ADAM28: variants seen among roughly 807,000 people sequenced by gnomAD.
ADAM28 encodes ADAM metallopeptidase domain 28.
In ADAM28, 105 loss-of-function variants were observed where a neutral mutation model predicts 101.2. The observed-to-expected ratio is 1.04, with a 90% CI of 0.89 to 1.22. ADAM28 has a LOEUF of 1.22. Among genes scored for constraint, ADAM28 ranks in the 50% most tolerant of loss-of-function variants. The pLI, the probability that ADAM28 is intolerant of heterozygous loss-of-function variation, is 0.00. For synonymous variants in ADAM28, 322 were observed against 310.6 expected (o/e 1.04, Z -0.39); for missense variants, 1,028 against 945.4 (o/e 1.09, Z -1.15).
chr8:24,295,007 G>T (rs1178077074), intron 1 of ADAM28, among the ~76,000 whole-genome samples: 2 of 152,134 alleles, frequency 1.3e-5, no homozygotes, highest in African/African-American at 4.8e-5. Flanking sequence ...CTGTTCTTGG[G>T]TCTTAGAATG....
intron 2 of ADAM28, among the ~76,000 whole-genome samples, chr8:24,306,053 A>G (rs1406206161): frequency 6.6e-6 from 1 of 152,090 alleles, no homozygotes; most frequent in East Asian, 1.9e-4. Flanking sequence ...AATTTCAGAC[A>G]AACAGTAAAA....
intron 20 of ADAM28, chr8:24,351,629 C>T: frequency 2.1e-6 from 1 of 471,756 alleles, no homozygotes; most frequent in South Asian, 2.2e-5. Context: ...TATTTCTTTG[C>T]AAATTGACAA....
In ADAM28 at chr8:24,355,789, C is replaced by T. The variant is rs925890668; in HGVS notation, c.*1385C>T. 6.6e-6 allele frequency: 1 copy of T among 152,258 alleles called. No homozygotes were observed. Among genetic ancestry groups the T allele is most frequent in the Non-Finnish European group, 1.5e-5 (1 of 68,012 alleles). 9.4% of individuals were successfully genotyped at this position (152,258 alleles called of 1,614,324 possible). On this transcript the variant is annotated 3_prime_UTR_variant, in exon 23 of 23. Transcript: ENST00000265769. Reference sequence around the variant, plus strand: ...GGTACTCCTTATTATATGAGCCATACATTTTCCTTGTTGTTTAAGCCATTT... The same window carrying T: ...GGTACTCCTTATTATATGAGCCATATATTTTCCTTGTTGTTTAAGCCATTT...
intron 9 of ADAM28, among the ~76,000 whole-genome samples, chr8:24,324,778 C>A (rs1788861122): frequency 6.6e-6 from 1 of 151,906 alleles, no homozygotes. Flanking sequence ...CTGTCTATAT[C>A]CCCTTTCATG....
chr8:24,317,719 A>G (rs1252173292), intron 6 of ADAM28, among the ~76,000 whole-genome samples: 1 of 152,048 alleles, frequency 6.6e-6, no homozygotes, highest in African/African-American at 2.4e-5. Context: ...ACAGCAAAGC[A>G]AACAAACAAA....
intron 17 of ADAM28, 68 bp from the exon 18 acceptor site, chr8:24,343,438 T>C: frequency 6.7e-7 from 1 of 1,483,288 alleles, no homozygotes; most frequent in Non-Finnish European, 9.4e-7. Flanking sequence ...AACTTTATTA[T>C]GGATGAGTAG....
At chr8:24,337,239 C>A (rs1162913491) in intron 14 of ADAM28, among the ~76,000 whole-genome samples, 1 of 152,200 alleles carries the variant, frequency 6.6e-6, no homozygotes. Flanking sequence ...TTCGTGGATG[C>A]GCCAGGTTAA....
chr8:24,343,558 A>C lies in ADAM28; in HGVS notation c.1964A>C (p.Asp655Ala), dbSNP rs1585718234. ...CQCEEGWIPP[D>A]CDDSSVVFHF... is the part of the protein sequence containing the mutation. ...TGTGAGGAAGGATGGATCCCTCCCG[A>C]CTGCGATGACTCCTCAGTGGTCTTC... is the stretch of plus-strand genomic sequence containing the variant. Residue 655 changes from aspartate to alanine, a missense_variant, in exon 18 of 23, where the codon GAC becomes GCC. Transcript: ENST00000265769. 6.2e-7 allele frequency: 1 copy of C among 1,613,644 alleles called. No homozygotes were observed. Among genetic ancestry groups the C allele is most frequent in the South Asian group, 1.1e-5 (1 of 91,076 alleles).
At chr8:24,352,498 GCTT>G (rs374476834) in intron 21 of ADAM28, among the ~76,000 whole-genome samples, 5 of 152,104 alleles carry the variant, frequency 3.3e-5, no homozygotes, top group African/African-American at 1.2e-4. Flanking sequence ...TCTCTCTTGT[GCTT>G]CTTCTTATAA....
chr8:24,334,586 C>T (rs1813769456), intron 13 of ADAM28, among the ~76,000 whole-genome samples: 2 of 152,114 alleles, frequency 1.3e-5, no homozygotes, highest in East Asian at 1.9e-4. Context: ...AAGATACAAG[C>T]ATGGTTTGTC....
intron 11 of ADAM28, among the ~76,000 whole-genome samples, chr8:24,330,745 A>T (rs1179527600): frequency 6.6e-6 from 1 of 152,130 alleles, no homozygotes; most frequent in African/African-American, 2.4e-5. Context: ...TCTCCCCTCT[A>T]TTACAGCAGT....
chr8:24,341,929 GA>G (rs1164097605), intron 16 of ADAM28, among the ~76,000 whole-genome samples, 172 bp downstream of exon 16: 2 of 152,146 alleles, frequency 1.3e-5, no homozygotes, highest in Non-Finnish European at 2.9e-5. Flanking sequence ...AAATGGCGCA[GA>G]ACCTAGTAAA....
intron 9 of ADAM28, among the ~76,000 whole-genome samples, chr8:24,325,598 A>C (rs1204549557): frequency 6.6e-6 from 1 of 151,884 alleles, no homozygotes; most frequent in Non-Finnish European, 1.5e-5. Flanking sequence ...GGTATCATAA[A>C]CCTTTTAAGT....
At chr8:24,352,471 A>G (rs1273200529) in intron 21 of ADAM28, among the ~76,000 whole-genome samples, 1 of 152,192 alleles carries the variant, frequency 6.6e-6, no homozygotes, top group Non-Finnish European at 1.5e-5. Context: ...GTATCCTCAC[A>G]TAGCAGAGGG....
intron 13 of ADAM28, among the ~76,000 whole-genome samples, chr8:24,333,299 G>T (rs1238528280): frequency 1.3e-5 from 2 of 152,148 alleles, no homozygotes; most frequent in African/African-American, 2.4e-5. Context: ...TTAATAATTT[G>T]CTAAGAGAGT....
chr8:24,316,021 G>A (rs1162768504), intron 6 of ADAM28, among the ~76,000 whole-genome samples: 1 of 151,708 alleles, frequency 6.6e-6, no homozygotes, highest in Non-Finnish European at 1.5e-5. Flanking sequence ...TGATTTGAGA[G>A]TTTAGGCATA....
rs1227582402 is a variant in ADAM28 at position 24,310,320 on chromosome 8, T to C, written c.306+79T>C. Reference sequence around the variant, plus strand: ...GGTAGTGTCCTTGCCAGGCAAATAATAGAAGTGAAACTGCATTTGTAACAT... The same window carrying C: ...GGTAGTGTCCTTGCCAGGCAAATAACAGAAGTGAAACTGCATTTGTAACAT... On this transcript the variant is annotated intron_variant, in intron 4 of 22. Transcript: ENST00000265769. 6.8e-6 allele frequency: 9 copies of C among 1,320,324 alleles called. No individual in the cohort carries two copies. The Admixed American group carries it at 8.1e-5, about 12-fold the overall frequency. 81.8% of individuals were successfully genotyped at this position (1,320,324 alleles called of 1,614,324 possible). A position where few individuals can be genotyped will look rare whatever the true frequency, so the allele number is the denominator to read the frequency against.
At chr8:24,319,806 AAC>A (rs1353272958) in intron 6 of ADAM28, among the ~76,000 whole-genome samples, 3 of 151,966 alleles carry the variant, frequency 2.0e-5, no homozygotes, top group Non-Finnish European at 4.4e-5. Context: ...CACCATTGAT[AAC>A]GGAGCATGTA....
chr8:24,316,096 AT>A (rs1811127008), intron 6 of ADAM28, among the ~76,000 whole-genome samples: 1 of 147,526 alleles, frequency 6.8e-6, no homozygotes, highest in South Asian at 2.1e-4. Context: ...ATTTATTTAT[AT>A]TTTTTAGCAG....
Sources: allele counts gnomAD v4.1 joint callset (sites outside exome capture counted in the v4.1 genomes callset), GRCh38; gene constraint gnomAD v4.1.1; transcripts MANE v1.5; gene names NCBI Gene and HGNC (gene_info 2026-07-23, HGNC 2026-07-21).